Variants in PRSS3 observed in about 807,000 individuals in gnomAD.
PRSS3 encodes the protein serine protease 3.
A neutral mutation model predicts 20.8 loss-of-function variants in PRSS3; 14 were observed. That is an observed-to-expected ratio of 0.67 (90% confidence interval 0.44 to 1.05). The LOEUF (loss-of-function observed/expected upper bound fraction) is 1.05, where lower values mean the gene tolerates loss of function less well. Among genes scored for constraint, PRSS3 ranks in the 50% least tolerant of loss-of-function variants. PRSS3 has a pLI of 0.00. For missense variants in PRSS3, 237 were observed against 306.4 expected (o/e 0.77, Z 1.69); for synonymous variants, 91 against 117.6 (o/e 0.77, Z 1.46).
intron 1 of PRSS3, among the ~76,000 whole-genome samples, chr9:33,781,366 G>A (rs1324289828): frequency 6.6e-6 from 1 of 152,188 alleles, no homozygotes; most frequent in Non-Finnish European, 1.5e-5. Flanking sequence ...ATGAAATCAA[G>A]TTGTTTGCAG....
chr9:33,782,420 CTAAAA>C (rs1236585859), intron 1 of PRSS3, among the ~76,000 whole-genome samples: 12 of 152,108 alleles, frequency 7.9e-5, no homozygotes, highest in African/African-American at 2.9e-4. Flanking sequence ...CCCCCTGTAT[CTAAAA>C]TAAAAGTTGA....
At chr9:33,778,583 A>G (rs1487163492) in intron 1 of PRSS3, among the ~76,000 whole-genome samples, 1 of 152,244 alleles carries the variant, frequency 6.6e-6, no homozygotes, top group African/African-American at 2.4e-5. Context: ...CTAAATTTAT[A>G]TTAAAAACAA....
chr9:33,751,335 C>T (rs1279148040), intron 1 of PRSS3, among the ~76,000 whole-genome samples: 3 of 152,188 alleles, frequency 2.0e-5, no homozygotes, highest in African/African-American at 4.8e-5. Flanking sequence ...TAAAGTCCCC[C>T]GATCCAGTGC....
chr9:33,797,267 C>A (rs1825011268), intron 2 of PRSS3, among the ~76,000 whole-genome samples: 1 of 138,840 alleles, frequency 7.2e-6, no homozygotes, highest in Admixed American at 7.3e-5. Context: ...TGCGTCAAAA[C>A]CACCTGCAGG....
rs1825204549 is a variant in PRSS3 at position 33,799,182 on chromosome 9, GC to G, written c.*7del. 3.1e-6 allele frequency: 5 copies of G among 1,613,956 alleles called. No individual in the cohort carries two copies. The highest frequency in any genetic ancestry group is 4.2e-6 in the Non-Finnish European group (5 of 1,179,994). On this transcript the variant is annotated 3_prime_UTR_variant, in exon 5 of 5. Coordinates refer to ENST00000379405, the MANE Select transcript of PRSS3 (RefSeq NM_002771.4). The stretch of plus-strand genomic sequence containing the variant: ...GACACCATCGCTGCCAACAGCTAAA[GC>G]CCCCGGTCCCTCTGCAGTCTCTATA...
intron 1 of PRSS3, among the ~76,000 whole-genome samples, chr9:33,765,434 T>C (rs535606533): frequency 6.6e-6 from 1 of 152,362 alleles, no homozygotes; most frequent in African/African-American, 2.4e-5. Flanking sequence ...TTTTTTTCTT[T>C]CGTTATTAAG....
Position 33,797,882 on chromosome 9 carries a change from A to G in PRSS3, c.254A>G (p.Glu85Gly), listed in dbSNP as rs563028717. Reference sequence around the variant, plus strand: ...AACATCAAAGTCCTGGAGGGGAATGAGCAGTTCATCAATGCGGCCAAGATC... The same window carrying G: ...AACATCAAAGTCCTGGAGGGGAATGGGCAGTTCATCAATGCGGCCAAGATC... ...EHNIKVLEGN[E>G]QFINAAKIIR... The change falls in exon 3 of 5, where the codon GAG becomes GGG. Residue 85 changes from glutamate to glycine, a missense_variant. Physicochemically the swap from Glu to Gly is moderately conservative, Grantham distance 98. Transcript: ENST00000379405. 6.2e-7 allele frequency: 1 copy of G among 1,614,244 alleles called. No individual in the cohort carries two copies. Among genetic ancestry groups the G allele is most frequent in the East Asian group, 2.2e-5 (1 of 44,890 alleles).
chr9:33,750,727 G>T lies in PRSS3; in HGVS notation c.-53G>T. On this transcript the variant is annotated splice_region_variant and 5_prime_UTR_variant, in exon 1 of 6. Coordinates refer to the PRSS3 transcript ENST00000342836. This position sits in a 1 kb window ranked among gnomAD's most constrained non-coding sequence, Gnocchi z 4.8. The stretch of plus-strand genomic sequence containing the variant: ...AGACGGCTGCGAGGCGCTGGGCACA[G>T]GTCAGACGTCAGTACCCGCAGGGGG... 1 of 1,437,250 alleles carries T rather than the reference G, an allele frequency of 7.0e-7. No homozygotes were observed. The highest frequency in any genetic ancestry group is 2.7e-5 in the East Asian group (1 of 37,472). 89.0% of individuals were successfully genotyped at this position (1,437,250 alleles called of 1,614,324 possible). A position where few individuals can be genotyped will look rare whatever the true frequency, so the allele number is the denominator to read the frequency against.
intron 1 of PRSS3, chr9:33,786,816 G>A: frequency 1.3e-6 from 1 of 755,122 alleles, no homozygotes; most frequent in East Asian, 2.4e-5. Context: ...ATATACCTCT[G>A]CAGCGTTGAA....
At chr9:33,752,521 ATTTG>A (rs1334377302) in intron 1 of PRSS3, among the ~76,000 whole-genome samples, 1 of 152,194 alleles carries the variant, frequency 6.6e-6, no homozygotes, top group Admixed American at 6.5e-5. Flanking sequence ...CACATTCCAT[ATTTG>A]TTTGTGTAGA....
At chr9:33,770,281 C>A (rs1380971715) in intron 1 of PRSS3, among the ~76,000 whole-genome samples, 1 of 152,170 alleles carries the variant, frequency 6.6e-6, no homozygotes, top group African/African-American at 2.4e-5. Context: ...GTTTGGGAAG[C>A]AGATAATTTC....
intron 1 of PRSS3, among the ~76,000 whole-genome samples, chr9:33,757,440 C>G (rs1025157664): frequency 6.6e-6 from 1 of 152,018 alleles, no homozygotes; most frequent in Non-Finnish European, 1.5e-5. Flanking sequence ...TTGTACAGCC[C>G]CACAGTGATC....
At chr9:33,768,621 C>T (rs1178700988) in intron 1 of PRSS3, among the ~76,000 whole-genome samples, 1 of 151,996 alleles carries the variant, frequency 6.6e-6, no homozygotes, top group Non-Finnish European at 1.5e-5. Flanking sequence ...CTCTGGGAGG[C>T]CAAGACAGGT....
chr9:33,769,266 C>CA (rs1005221161), intron 1 of PRSS3, among the ~76,000 whole-genome samples: 2 of 152,124 alleles, frequency 1.3e-5, no homozygotes, highest in African/African-American at 4.8e-5. Flanking sequence ...ATCCATTCTA[C>CA]AAAAAATGAG....
In PRSS3 at chr9:33,799,040, G is replaced by T. The variant is rs1372413219; in HGVS notation, c.604G>T (p.Gly202Cys). 6.2e-7 allele frequency: 1 copy of T among 1,614,184 alleles called. No individual in the cohort carries two copies. Among genetic ancestry groups the T allele is most frequent in the Non-Finnish European group, 8.5e-7 (1 of 1,180,006 alleles). Residue 202 changes from glycine (G) to cysteine (C), a missense_variant, in exon 5 of 5, where the codon GGC becomes TGC. Transcript: ENST00000379405. The part of the protein sequence containing the change: ...GKDSCQRDSG[G>C]PVVCNGQLQG... ...TTCTTCTCCCCAGCGTGACTCTGGT[G>T]GCCCTGTGGTCTGCAACGGACAGCT...
intron 1 of PRSS3, among the ~76,000 whole-genome samples, chr9:33,768,250 C>T (rs10971693): frequency 0.26 from 38,815 of 151,748 alleles, 5,155 homozygotes; most frequent in Non-Finnish European, 0.28. Context: ...GAGGCTGAGG[C>T]GGGTGGATAA....
intron 1 of PRSS3, among the ~76,000 whole-genome samples, chr9:33,764,464 C>T (rs2380857): frequency 1.3e-5 from 2 of 152,190 alleles, no homozygotes; most frequent in South Asian, 4.2e-4. Context: ...ATGTAGGAGG[C>T]GAAGGTTGCA....
intron 1 of PRSS3, among the ~76,000 whole-genome samples, chr9:33,770,141 A>ACT (rs35008140): frequency 0.74 from 111,863 of 150,886 alleles, 41,514 homozygotes; most frequent in East Asian, 0.83. Context: ...GTGAAATGAA[A>ACT]CTGTCTCAAA....
intron 1 of PRSS3, among the ~76,000 whole-genome samples, chr9:33,751,609 C>G (rs1054131759): frequency 2.6e-5 from 4 of 152,156 alleles, no homozygotes; most frequent in Non-Finnish European, 5.9e-5. Flanking sequence ...TGCTTTCTGC[C>G]GTGTCTGCCG....
Sources: gnomAD v4.1 joint callset for allele counts (sites outside exome capture counted in the v4.1 genomes callset) on GRCh38, gnomAD v4.1.1 for gene constraint, Gnocchi (gnomAD v3.1) non-coding constraint, MANE v1.5 for transcripts, NCBI Gene and HGNC (gene_info 2026-07-23, HGNC 2026-07-21) for gene names.